NAALADL2: variants seen among roughly 807,000 people sequenced by gnomAD.
NAALADL2 encodes inactive N-acetylated-alpha-linked acidic dipeptidase-like protein 2.
In NAALADL2, 76 loss-of-function variants were observed where a neutral mutation model predicts 87.2. The ratio of observed to expected loss-of-function variants is 0.87; its 90% CI spans 0.72 to 1.05. The LOEUF is 1.05. Ranked by LOEUF, NAALADL2 falls within the 50% of genes least tolerant of loss-of-function variation. The probability of loss-of-function intolerance (pLI) is 0.00; values close to 1 mark genes in which losing one functional copy is unlikely to be tolerated. For synonymous variants in NAALADL2, 354 were observed against 331.0 expected (o/e 1.07, Z -0.75); for missense variants, 1,089 against 945.8 (o/e 1.15, Z -1.99).
intron 3 of NAALADL2, among the ~76,000 whole-genome samples, chr3:174,781,380 G>A (rs934972315): frequency 1.9e-4 from 29 of 151,486 alleles, no homozygotes; most frequent in South Asian, 4.2e-4. Context: ...GTGTTTTCCA[G>A]CTTGGTTCCA....
At chr3:174,514,610 G>A (rs1490025144) in intron 1 of NAALADL2, among the ~76,000 whole-genome samples, 1 of 152,082 alleles carries the variant, frequency 6.6e-6, no homozygotes, top group Non-Finnish European at 1.5e-5. Context: ...AATAGATGAA[G>A]TTGTACATTG....
intron 10 of NAALADL2, among the ~76,000 whole-genome samples, chr3:175,589,018 T>C (rs573115502): frequency 9.2e-5 from 14 of 152,296 alleles, no homozygotes; most frequent in African/African-American, 3.4e-4. Context: ...TACCAAAATA[T>C]TTTAGGCAAA....
At chr3:175,613,514 G>T (rs552323918) in intron 10 of NAALADL2, among the ~76,000 whole-genome samples, 78 of 152,256 alleles carry the variant, frequency 5.1e-4, no homozygotes, top group African/African-American at 1.8e-3. Flanking sequence ...CACCTGAGAT[G>T]ATTCTCAACA....
chr3:174,513,287 C>T (rs7619222), intron 1 of NAALADL2, among the ~76,000 whole-genome samples: 102,071 of 151,996 alleles, frequency 0.67, 34,563 homozygotes, highest in East Asian at 0.88. Flanking sequence ...GCTTGAATTT[C>T]AATGACATGC....
chr3:175,615,365 A>G (rs1433474164), intron 10 of NAALADL2, among the ~76,000 whole-genome samples: 1 of 152,130 alleles, frequency 6.6e-6, no homozygotes, highest in Non-Finnish European at 1.5e-5. Context: ...TTCTGAAAAA[A>G]ATTGTTTGAT....
At chr3:174,707,465 C>T (rs1235175635) in intron 2 of NAALADL2, among the ~76,000 whole-genome samples, 1 of 151,956 alleles carries the variant, frequency 6.6e-6, no homozygotes, top group Non-Finnish European at 1.5e-5. Flanking sequence ...ACTATGCAGC[C>T]ATAAAAAAGG....
chr3:174,456,327 A>T (rs1250075712), intron 1 of NAALADL2, among the ~76,000 whole-genome samples: 1 of 151,042 alleles, frequency 6.6e-6, no homozygotes, highest in Non-Finnish European at 1.5e-5. Context: ...TCAAACTACC[A>T]ATGACATTCT....
intron 4 of NAALADL2, among the ~76,000 whole-genome samples, chr3:175,300,849 T>C (rs1756998558): frequency 6.6e-6 from 1 of 151,848 alleles, no homozygotes; most frequent in Non-Finnish European, 1.5e-5. Context: ...TTCAAGAGAT[T>C]CCTCTGCCAA....
At chr3:175,313,410 G>A (rs562768604) in intron 4 of NAALADL2, among the ~76,000 whole-genome samples, 1 of 152,302 alleles carries the variant, frequency 6.6e-6, no homozygotes, top group South Asian at 2.1e-4. Flanking sequence ...ATAGAGGCCA[G>A]GTGGACATTC....
chr3:175,289,389 A>G (rs1391154202), intron 4 of NAALADL2, among the ~76,000 whole-genome samples: 1 of 152,166 alleles, frequency 6.6e-6, no homozygotes, highest in Non-Finnish European at 1.5e-5. Context: ...GATAGAGTCC[A>G]GAAACTGGTA....
At chr3:174,861,896 C>G (rs1726550996) in intron 1 of NAALADL2, among the ~76,000 whole-genome samples, 1 of 142,474 alleles carries the variant, frequency 7.0e-6, no homozygotes, top group Non-Finnish European at 1.5e-5. Context: ...TATTGAGAAC[C>G]CATTTTTTTT....
chr3:175,134,361 G>A (rs1728751040), intron 2 of NAALADL2, among the ~76,000 whole-genome samples: 1 of 152,168 alleles, frequency 6.6e-6, no homozygotes, highest in African/African-American at 2.4e-5. Context: ...TCTCCTGAAA[G>A]TGTGATGATA....
Position 175,554,717 on chromosome 3 carries a change from A to G in NAALADL2, c.1654-21324A>G, listed in dbSNP as rs193153939. 3.9e-5 allele frequency among the ~76,000 whole-genome samples: 6 copies of G among 152,244 alleles called. No homozygotes were observed. The East Asian group carries it at 1.2e-3, about 29-fold the overall frequency. On this transcript the variant is annotated intron_variant, in intron 9 of 13. Coordinates refer to ENST00000454872, the MANE Select transcript of NAALADL2 (RefSeq NM_207015.3). The stretch of plus-strand genomic sequence containing the variant: ...TAACAACTTTAGAAATCATTTAAAA[A>G]TCTTGTTAATTTAATAAGCAAAAAT...
At chr3:174,876,388 TCC>T (rs1271212700) in intron 1 of NAALADL2, among the ~76,000 whole-genome samples, 1 of 152,166 alleles carries the variant, frequency 6.6e-6, no homozygotes. Context: ...CTAGCTCTTT[TCC>T]CCTCTGTCCC....
At chr3:174,722,257 G>C (rs1191924369) in intron 2 of NAALADL2, among the ~76,000 whole-genome samples, 1 of 152,098 alleles carries the variant, frequency 6.6e-6, no homozygotes, top group African/African-American at 2.4e-5. Flanking sequence ...GGTATGGGTT[G>C]GTTTACGGAA....
intron 3 of NAALADL2, among the ~76,000 whole-genome samples, chr3:174,743,193 T>A (rs540125043): frequency 1.3e-5 from 2 of 151,754 alleles, no homozygotes; most frequent in Admixed American, 6.6e-5. Context: ...AGAGTCCCGA[T>A]CTGTCTATCC....
intron 1 of NAALADL2, among the ~76,000 whole-genome samples, chr3:175,050,992 A>G (rs529614786): frequency 4.6e-5 from 7 of 152,358 alleles, no homozygotes; most frequent in Admixed American, 6.5e-5. Flanking sequence ...TATACTTAGT[A>G]TGGGTTAATA....
At chr3:175,798,279 A>G (rs1299802976) in intron 13 of NAALADL2, among the ~76,000 whole-genome samples, 1 of 151,702 alleles carries the variant, frequency 6.6e-6, no homozygotes, top group Non-Finnish European at 1.5e-5. Context: ...TAACATCAGA[A>G]GCTACCCAAA....
intron 5 of NAALADL2, among the ~76,000 whole-genome samples, chr3:175,392,004 C>T (rs1271585417): frequency 6.6e-6 from 1 of 152,148 alleles, no homozygotes; most frequent in East Asian, 1.9e-4. Context: ...CAGTCATTCT[C>T]TCCATTTTAC....
Sources: gnomAD v4.1 joint callset for allele counts (sites outside exome capture counted in the v4.1 genomes callset) on GRCh38, gnomAD v4.1.1 for gene constraint, MANE v1.5 for transcripts, NCBI Gene and HGNC (gene_info 2026-07-23, HGNC 2026-07-21) for gene names.